The following CCSER2 variants were observed in gnomAD, a reference collection of about 807,000 sequenced individuals.
CCSER2 encodes serine-rich coiled-coil domain-containing protein 2.
A neutral mutation model predicts 92.3 loss-of-function variants in CCSER2; 46 were observed. The ratio of observed to expected loss-of-function variants is 0.50; its 90% CI spans 0.39 to 0.64. The LOEUF (loss-of-function observed/expected upper bound fraction) is 0.64, where lower values mean the gene tolerates loss of function less well. Ranked by LOEUF, CCSER2 falls within the 30% of genes least tolerant of loss-of-function variation. The pLI is 0.00. For missense variants in CCSER2, 1,244 were observed against 1,238.9 expected (o/e 1.00, Z -0.06); for synonymous variants, 433 against 431.4 (o/e 1.00, Z -0.04).
At chr10:84,472,044 G>C (rs1846837769) in intron 8 of CCSER2, among the ~76,000 whole-genome samples, 1 of 151,800 alleles carries the variant, frequency 6.6e-6, no homozygotes, top group African/African-American at 2.4e-5. Context: ...AAAGTATCTT[G>C]CAAAAGTTAA....
intron 3 of CCSER2, among the ~76,000 whole-genome samples, chr10:84,387,041 A>T (rs570376197): frequency 6.6e-6 from 1 of 152,164 alleles, no homozygotes; most frequent in Admixed American, 6.5e-5. Context: ...CCATTATGCA[A>T]CATGTTCATG....
At chr10:84,329,724 TG>T (rs1347413300) in intron 1 of CCSER2, among the ~76,000 whole-genome samples, 2 of 152,190 alleles carry the variant, frequency 1.3e-5, no homozygotes, top group African/African-American at 4.8e-5. Context: ...GAACTTAAGA[TG>T]CTCTCCTGCA....
In CCSER2 at chr10:84,434,682, T is replaced by C. The variant is rs199745007; in HGVS notation, c.1869-3830T>C. Reference sequence around the variant, plus strand: ...ACTTAATAATATTATAGTAAGTCATTTTTATTTAATATTTACTATATATTA... The same window carrying C: ...ACTTAATAATATTATAGTAAGTCATCTTTATTTAATATTTACTATATATTA... On this transcript the variant is annotated intron_variant, in intron 5 of 9. Coordinates refer to ENST00000372088, the MANE Select transcript of CCSER2 (RefSeq NM_001284240.2). 1.2e-4 allele frequency among the ~76,000 whole-genome samples: 19 copies of C among 152,292 alleles called. No individual in the cohort carries two copies. In the East Asian group the frequency reaches 3.5e-3, roughly 28 times the overall value.
At position 84,372,191 on chromosome 10, in the gene CCSER2, C is replaced by T. The variant is rs781108820; in HGVS notation, c.1139C>T (p.Thr380Ile). Residue 380 changes from threonine to isoleucine, a missense_variant, in exon 2 of 10, where the codon ACC becomes ATC. Physicochemically the swap from Thr to Ile is moderately conservative, Grantham distance 89. Coordinates refer to ENST00000372088, the MANE Select transcript of CCSER2 (RefSeq NM_001284240.2). Reference sequence around the variant, plus strand: ...AGTTATAGAACAAAAAACAACCAGACCATGAAACATGATGCTAAAATGAGA... The same window carrying T: ...AGTTATAGAACAAAAAACAACCAGATCATGAAACATGATGCTAAAATGAGA... The part of the protein sequence containing the change: ...NESYRTKNNQ[T>I]MKHDAKMRYL... 8.1e-6 allele frequency: 13 copies of T among 1,613,440 alleles called. No individual in the cohort carries two copies. The South Asian group carries it at 1.3e-4, about 16-fold the overall frequency.
chr10:84,456,096 A>G, intron 6 of CCSER2: 1 of 393,066 alleles, frequency 2.5e-6, no homozygotes, highest in Non-Finnish European at 5.0e-6. Context: ...CTGCAGCCAC[A>G]CAGGGGAGAG....
In CCSER2 at chr10:84,431,268, C is replaced by G. The variant is rs1018427085; in HGVS notation, c.1868+5375C>G. Reference sequence around the variant, plus strand: ...TTCTGTGTGTTCCACTTATTCATCCCTCCCTTCTTTTCCTGAACTCCTGGT... The same window carrying G: ...TTCTGTGTGTTCCACTTATTCATCCGTCCCTTCTTTTCCTGAACTCCTGGT... On this transcript the variant is annotated intron_variant, in intron 5 of 9. Transcript: ENST00000372088. Among the ~76,000 whole-genome samples the G allele has an allele frequency of 7.2e-5, 11 of 152,262 alleles. No individual in the cohort carries two copies. In the East Asian group the frequency reaches 2.1e-3, roughly 29 times the overall value.
chr10:84,462,368 C>T (rs1846149720), intron 6 of CCSER2, among the ~76,000 whole-genome samples: 1 of 152,084 alleles, frequency 6.6e-6, no homozygotes, highest in Non-Finnish European at 1.5e-5. Flanking sequence ...GTCTCATATT[C>T]CTTGGGGTTC....
intron 6 of CCSER2, among the ~76,000 whole-genome samples, chr10:84,440,006 C>T (rs896966158): frequency 7.2e-5 from 11 of 152,024 alleles, no homozygotes; most frequent in Admixed American, 1.3e-4. Flanking sequence ...AGCTGTACCA[C>T]GTACCATCTT....
rs869280119 is a variant in CCSER2 at position 84,441,736 on chromosome 10, G to GTTTT, written c.2064+3066_2064+3069dup. ...GAATAAAGTAGAAGACTGGGAAAAT[G>GTTTT]TTTTTTTTTTTTTTTTTTTTTTTTT... On this transcript the variant is annotated intron_variant, in intron 6 of 9. Transcript: ENST00000372088. 8.5e-4 allele frequency among the ~76,000 whole-genome samples: 37 copies of GTTTT among 43,638 alleles called. 2 individuals carry two copies. The highest frequency in any genetic ancestry group is 1.3e-3 in the Non-Finnish European group (28 of 20,858). 28.6% of individuals were successfully genotyped at this position (43,638 alleles called of 152,430 possible).
chr10:84,508,441 T>G (rs570850200), intron 9 of CCSER2, among the ~76,000 whole-genome samples: 62 of 152,304 alleles, frequency 4.1e-4, no homozygotes, highest in South Asian at 1.0e-3. Context: ...GAAATTCCAT[T>G]TCAGGGTAGT....
chr10:84,453,918 G>A lies in CCSER2; in HGVS notation c.2065-10015G>A, dbSNP rs534204971. 8.5e-5 allele frequency among the ~76,000 whole-genome samples: 13 copies of A among 152,174 alleles called. No individual in the cohort carries two copies. In the South Asian group the frequency reaches 2.5e-3, roughly 29 times the overall value. On this transcript the variant is annotated intron_variant, in intron 6 of 9. Coordinates refer to ENST00000372088, the MANE Select transcript of CCSER2 (RefSeq NM_001284240.2). The stretch of plus-strand genomic sequence containing the variant: ...ATATTGCTATTTCAGCTTTTTGTGG[G>A]TGTGATTGTTGAGATTTATCTGGTG...
chr10:84,453,280 T>C (rs1381264018), intron 6 of CCSER2, among the ~76,000 whole-genome samples: 1 of 152,238 alleles, frequency 6.6e-6, no homozygotes, highest in Non-Finnish European at 1.5e-5. Context: ...CTTTGGAAGG[T>C]GTTAATGTTT....
chr10:84,509,214 A>C (rs1001700840), intron 9 of CCSER2, among the ~76,000 whole-genome samples: 1 of 152,158 alleles, frequency 6.6e-6, no homozygotes, highest in Non-Finnish European at 1.5e-5. Flanking sequence ...GTTTTTATTT[A>C]ATCATTAATG....
At chr10:84,395,021 T>G (rs1361719522) in intron 3 of CCSER2, among the ~76,000 whole-genome samples, 1 of 151,860 alleles carries the variant, frequency 6.6e-6, no homozygotes, top group Non-Finnish European at 1.5e-5. Context: ...CCCAGGAATT[T>G]GAGACCAGAC....
At chr10:84,370,926 A>G (rs942962799) in intron 1 of CCSER2, 88 bp from the exon 2 acceptor site, 8 of 591,854 alleles carry the variant, frequency 1.4e-5, no homozygotes, top group Non-Finnish European at 2.1e-5. Context: ...TTTTCTGCGT[A>G]TAAAAGTGTA....
chr10:84,361,077 G>A lies in CCSER2; in HGVS notation c.-39-9937G>A, dbSNP rs184022436. ...GAGGCAGGGAAGTGAGAGGGTTTGT[G>A]TTTGTTCCAGTGCAGGCTTTCATCA... On this transcript the variant is annotated intron_variant, in intron 1 of 9. Coordinates refer to ENST00000372088, the MANE Select transcript of CCSER2 (RefSeq NM_001284240.2). 2.0e-5 allele frequency among the ~76,000 whole-genome samples: 3 copies of A among 152,314 alleles called. No individual in the cohort carries two copies. In the East Asian group the frequency reaches 5.8e-4, roughly 29 times the overall value.
At chr10:84,392,116 AC>A in intron 3 of CCSER2, 1 of 691,910 alleles carries the variant, frequency 1.4e-6, no homozygotes, top group Non-Finnish European at 2.6e-6. Flanking sequence ...GAGCCTCTGC[AC>A]CCAGGGAAAA....
At chr10:84,338,745 C>A (rs1843992775) in intron 1 of CCSER2, among the ~76,000 whole-genome samples, 1 of 152,180 alleles carries the variant, frequency 6.6e-6, no homozygotes. Flanking sequence ...TTCTCTACCA[C>A]CCCTTTTTTT....
chr10:84,441,750 T>G (rs1844570299), intron 6 of CCSER2, among the ~76,000 whole-genome samples: 2 of 67,294 alleles, frequency 3.0e-5, no homozygotes, highest in African/African-American at 4.5e-5. Flanking sequence ...TTTTTTTTTT[T>G]TTTTTTTTTT....
Sources: gnomAD v4.1 joint callset for allele counts (sites outside exome capture counted in the v4.1 genomes callset) on GRCh38, gnomAD v4.1.1 for gene constraint, MANE v1.5 for transcripts, NCBI Gene and HGNC (gene_info 2026-07-23, HGNC 2026-07-21) for gene names.